GFOD1: variants seen among roughly 807,000 people sequenced by gnomAD.
GFOD1 encodes glucose-fructose oxidoreductase domain-containing protein 1.
Under a neutral mutation model 25.4 loss-of-function variants are expected in GFOD1, and 9 were observed. The observed-to-expected ratio is 0.35, with a 90% CI of 0.21 to 0.62. The LOEUF (loss-of-function observed/expected upper bound fraction) is 0.62, where lower values mean the gene tolerates loss of function less well. GFOD1 is among the 20% of genes least tolerant of loss of function. The pLI is 0.72. For synonymous variants in GFOD1, 253 were observed against 245.6 expected (o/e 1.03, Z -0.28); for missense variants, 403 against 556.9 (o/e 0.72, Z 2.78).
chr6:13,459,876 G>A (rs1758262746), intron 1 of GFOD1, among the ~76,000 whole-genome samples: 1 of 152,238 alleles, frequency 6.6e-6, no homozygotes, highest in Non-Finnish European at 1.5e-5. Flanking sequence ...GCTCACACCT[G>A]TAATCCCAGC....
rs2494773 is a variant in GFOD1, at chr6:13,487,399, T to C, written c.-509A>G. ...CGCTCCGCGGGGGAGTCTCCTTTCTTCCTAGCTCTCCGTTGGGAATGAAAT... is the reference window on the plus strand; with the variant it reads ...CGCTCCGCGGGGGAGTCTCCTTTCTCCCTAGCTCTCCGTTGGGAATGAAAT... On this transcript the variant is annotated 5_prime_UTR_variant, in exon 1 of 2. Transcript: ENST00000379287. The surrounding 1 kb of genome is among the most constrained non-coding windows in gnomAD (Gnocchi z 4.9). 0.92 allele frequency: 140,130 copies of C among 152,976 alleles called. 65,370 individuals are homozygous for C. The highest frequency in any genetic ancestry group is 1 in the East Asian group (5,160 of 5,160). 9.5% of individuals were successfully genotyped at this position (152,976 alleles called of 1,614,324 possible).
chr6:13,359,945 C>CA lies in GFOD1; in HGVS notation c.*4797dup, dbSNP rs3037754. 645 of 90,510 alleles carry CA rather than the reference C, an allele frequency of 7.1e-3. 5 individuals carry two copies. Among genetic ancestry groups the CA allele is most frequent in the East Asian group, 0.017 (49 of 2,858 alleles). The allele number at this position is 90,510 out of a possible 1,614,324, so 5.6% of individuals were successfully genotyped here. On this transcript the variant is annotated 3_prime_UTR_variant, in exon 2 of 2. Coordinates refer to ENST00000379287, the MANE Select transcript of GFOD1 (RefSeq NM_018988.4). ...TGGGTGACAGAGTAAGACTCTGTCT[C>CA]AAAAAAAAAAAAAAAAGGATTTCCA...
intron 1 of GFOD1, among the ~76,000 whole-genome samples, chr6:13,366,047 G>A (rs1453494486): frequency 6.6e-6 from 1 of 151,460 alleles, no homozygotes; most frequent in Non-Finnish European, 1.5e-5. Flanking sequence ...AGTGAGCTAT[G>A]TTCTGGCCAC....
At chr6:13,429,861 A>G in intron 1 of GFOD1, among the ~76,000 whole-genome samples, 1 of 152,222 alleles carries the variant, frequency 6.6e-6, no homozygotes, top group Admixed American at 6.5e-5. Flanking sequence ...ATATGCTACT[A>G]TACATATATA....
chr6:13,440,943 G>A (rs1757904864), intron 1 of GFOD1, among the ~76,000 whole-genome samples: 1 of 152,172 alleles, frequency 6.6e-6, no homozygotes. Flanking sequence ...GCTGCAATCA[G>A]CTGTGTATTC....
intron 1 of GFOD1, among the ~76,000 whole-genome samples, chr6:13,479,603 C>G (rs1224309885): frequency 1.3e-5 from 2 of 152,112 alleles, no homozygotes; most frequent in African/African-American, 4.8e-5. Context: ...GCTCTTCTTC[C>G]CCAGTTTAAG....
intron 1 of GFOD1, among the ~76,000 whole-genome samples, chr6:13,447,740 CAAAAAAAAAAAAAAAAAAAA>C (rs34431944): frequency 3.1e-5 from 1 of 31,910 alleles, no homozygotes; most frequent in African/African-American, 1.2e-4. Context: ...GACTCCTTCT[CAAAAAAAAAAAAAAAAAAAA>C]AAAAAAAAAA....
At chr6:13,437,757 G>T (rs1020567240) in intron 1 of GFOD1, among the ~76,000 whole-genome samples, 1 of 152,176 alleles carries the variant, frequency 6.6e-6, no homozygotes, top group African/African-American at 2.4e-5. Flanking sequence ...ACCTTTGGCA[G>T]TCACTGCTAT....
At chr6:13,429,800 T>C (rs905866571) in intron 1 of GFOD1, among the ~76,000 whole-genome samples, 1 of 152,222 alleles carries the variant, frequency 6.6e-6, no homozygotes, top group Non-Finnish European at 1.5e-5. Context: ...GTTTTATATA[T>C]TCATATGTAT....
intron 1 of GFOD1, among the ~76,000 whole-genome samples, chr6:13,471,573 T>TA (rs1461805781): frequency 6.6e-6 from 1 of 152,234 alleles, no homozygotes; most frequent in African/African-American, 2.4e-5. Flanking sequence ...TCATTAATAA[T>TA]AGAGTCCTTA....
At position 13,394,413 on chromosome 6, in the gene GFOD1, C is replaced by G. The variant is rs562530588; in HGVS notation, c.254-28751G>C. On this transcript the variant is annotated intron_variant, in intron 1 of 1. Transcript: ENST00000379287. Reference sequence around the variant, plus strand: ...TCTGGGCAGGAGAACGGGTGTCTGGCGGGGGGAAGGATGGAAGGAGCTTTT... The same window carrying G: ...TCTGGGCAGGAGAACGGGTGTCTGGGGGGGGGAAGGATGGAAGGAGCTTTT... 1.7e-3 allele frequency among the ~76,000 whole-genome samples: 230 copies of G among 136,280 alleles called. 1 individual carries two copies. Among genetic ancestry groups the G allele is most frequent in the African/African-American group, 5.8e-3 (215 of 36,880 alleles). 89.4% of individuals were successfully genotyped at this position (136,280 alleles called of 152,430 possible). A position where few individuals can be genotyped will look rare whatever the true frequency, so the allele number is the denominator to read the frequency against.
chr6:13,409,078 C>A (rs1785998816), intron 1 of GFOD1, among the ~76,000 whole-genome samples: 1 of 91,052 alleles, frequency 1.1e-5, no homozygotes, highest in Admixed American at 1.1e-4. Flanking sequence ...GAGTGAGACT[C>A]CATCAGAAAG....
At chr6:13,478,438 G>A (rs1350189734) in intron 1 of GFOD1, among the ~76,000 whole-genome samples, 3 of 152,178 alleles carry the variant, frequency 2.0e-5, no homozygotes, top group African/African-American at 7.2e-5. Flanking sequence ...ACACCCAGCC[G>A]AAATGTCCAT....
intron 1 of GFOD1, among the ~76,000 whole-genome samples, chr6:13,434,032 T>A (rs551583576): frequency 9.2e-5 from 14 of 152,288 alleles, no homozygotes; most frequent in African/African-American, 3.1e-4. Context: ...TATGAGAGCA[T>A]CAGAGTCACA....
chr6:13,399,071 G>A (rs1785792609), intron 1 of GFOD1, among the ~76,000 whole-genome samples: 1 of 152,158 alleles, frequency 6.6e-6, no homozygotes, highest in Non-Finnish European at 1.5e-5. Flanking sequence ...CTGGAGTGCA[G>A]TGGCGCAATC....
At chr6:13,477,183 T>C (rs1307511741) in intron 1 of GFOD1, among the ~76,000 whole-genome samples, 1 of 150,040 alleles carries the variant, frequency 6.7e-6, no homozygotes, top group Non-Finnish European at 1.5e-5. Context: ...TCTGTATTAG[T>C]CAGGGTTCAC....
At chr6:13,423,045 G>A (rs895917067) in intron 1 of GFOD1, among the ~76,000 whole-genome samples, 1 of 152,158 alleles carries the variant, frequency 6.6e-6, no homozygotes, top group African/African-American at 2.4e-5. Context: ...CACTTACAAA[G>A]TACTGCATGT....
intron 1 of GFOD1, among the ~76,000 whole-genome samples, chr6:13,480,739 C>T (rs189878070): frequency 1.4e-3 from 209 of 152,238 alleles, no homozygotes; most frequent in African/African-American, 4.6e-3. Context: ...CTCCTGCCTC[C>T]GTCTCCCGAA....
intron 1 of GFOD1, chr6:13,469,328 T>A (rs1258600210): frequency 1.0e-6 from 1 of 984,764 alleles, no homozygotes; most frequent in African/African-American, 1.7e-5. Flanking sequence ...AAATAAGTTA[T>A]AATCAACAGA....
Sources: allele counts gnomAD v4.1 joint callset (sites outside exome capture counted in the v4.1 genomes callset), GRCh38; gene constraint gnomAD v4.1.1; non-coding constraint Gnocchi (gnomAD v3.1); transcripts MANE v1.5; gene names NCBI Gene and HGNC (gene_info 2026-07-23, HGNC 2026-07-21).